CHST8: variants seen among roughly 807,000 people sequenced by gnomAD.
CHST8 encodes GALNAC-4-ST1.
Under a neutral mutation model 15.0 loss-of-function variants are expected in CHST8, and 10 were observed. The ratio of observed to expected loss-of-function variants is 0.67; its 90% CI spans 0.41 to 1.13. CHST8 has a LOEUF of 1.13. CHST8 is among the 50% of genes most tolerant of loss of function. The pLI is 0.00. For missense variants in CHST8, 634 were observed against 608.2 expected, an observed-to-expected ratio of 1.04 and a Z score of -0.45; for synonymous variants, 259 against 256.6, an observed-to-expected ratio of 1.01 and a Z score of -0.09.
At chr19:33,747,282 G>GA (rs1456734034) in intron 3 of CHST8, among the ~76,000 whole-genome samples, 8 of 152,136 alleles carry the variant, frequency 5.3e-5, no homozygotes, top group African/African-American at 1.7e-4. Context: ...AGTTAGTGGG[G>GA]ACAGCTAATT....
chr19:33,720,993 C>CCTGTCTGTCTTCAGCTTGCA (rs1253711279), intron 3 of CHST8, among the ~76,000 whole-genome samples: 2 of 152,236 alleles, frequency 1.3e-5, no homozygotes, highest in Non-Finnish European at 2.9e-5. Context: ...CCAGAGTTGC[C>CCTGTCTGTCTTCAGCTTGCA]CTGTCTGTCT....
chr19:33,628,578 C>A (rs1972086248), intron 1 of CHST8, among the ~76,000 whole-genome samples: 1 of 152,174 alleles, frequency 6.6e-6, no homozygotes, highest in Non-Finnish European at 1.5e-5. Context: ...GTAGGCAGTG[C>A]ATCTACGCTG....
intron 2 of CHST8, among the ~76,000 whole-genome samples, chr19:33,682,187 G>GTTTTTTTTTTTTT (rs869056900): frequency 7.9e-4 from 75 of 95,238 alleles, no homozygotes; most frequent in Non-Finnish European, 1.1e-3. Flanking sequence ...TTTTGTTGTT[G>GTTTTTTTTTTTTT]TTTTTTTTTT....
chr19:33,634,340 A>C (rs898462299), intron 1 of CHST8, among the ~76,000 whole-genome samples: 3 of 152,162 alleles, frequency 2.0e-5, no homozygotes, highest in Non-Finnish European at 1.5e-5. Flanking sequence ...TTTTTTACCA[A>C]GGATATTTTG....
intron 1 of CHST8, among the ~76,000 whole-genome samples, chr19:33,634,675 A>C (rs1600227149): frequency 9.5e-6 from 1 of 105,758 alleles, no homozygotes; most frequent in Non-Finnish European, 1.8e-5. Flanking sequence ...TTGTCACGAA[A>C]CCAAAAAAAA....
At chr19:33,638,123 GGATATCACTCGA>G (rs1972229409) in intron 1 of CHST8, among the ~76,000 whole-genome samples, 1 of 152,050 alleles carries the variant, frequency 6.6e-6, no homozygotes, top group African/African-American at 2.4e-5. Context: ...ACCAATTTCA[GGATATCACTCGA>G]GCTTTGTTTT....
intron 1 of CHST8, among the ~76,000 whole-genome samples, chr19:33,661,032 T>G (rs1972578840): frequency 6.6e-6 from 1 of 152,184 alleles, no homozygotes; most frequent in African/African-American, 2.4e-5. Context: ...GGGAGACTTC[T>G]TATGCCCCCT....
At chr19:33,635,389 A>AAAGGGTCTCAAAGGGT (rs2145440479) in intron 1 of CHST8, among the ~76,000 whole-genome samples, 1 of 152,226 alleles carries the variant, frequency 6.6e-6, no homozygotes, top group South Asian at 2.1e-4. Context: ...AGACCCAGTC[A>AAAGGGTCTCAAAGGGT]CTGCCACAAG....
intron 2 of CHST8, among the ~76,000 whole-genome samples, chr19:33,670,850 T>G (rs1436660596): frequency 6.6e-6 from 1 of 152,170 alleles, no homozygotes; most frequent in Non-Finnish European, 1.5e-5. Context: ...CACTGCTCCC[T>G]TATTGCCCAT....
intron 3 of CHST8, among the ~76,000 whole-genome samples, chr19:33,713,615 G>C (rs1041607504): frequency 6.6e-6 from 1 of 151,994 alleles, no homozygotes; most frequent in African/African-American, 2.4e-5. Flanking sequence ...GCCCTGGCTG[G>C]AGTGCAGTGA....
chr19:33,698,949 G>A (rs1389700621), intron 3 of CHST8, among the ~76,000 whole-genome samples: 2 of 152,196 alleles, frequency 1.3e-5, no homozygotes, highest in Admixed American at 1.3e-4. Context: ...GAGGGCTATG[G>A]GAGAGCCTTG....
At chr19:33,682,187 G>GTT (rs869056900) in intron 2 of CHST8, among the ~76,000 whole-genome samples, 1,868 of 95,126 alleles carry the variant, frequency 0.02, 56 homozygotes, top group African/African-American at 0.048. Context: ...TTTTGTTGTT[G>GTT]TTTTTTTTTT....
intron 1 of CHST8, among the ~76,000 whole-genome samples, chr19:33,661,138 C>T (rs1404854738): frequency 6.6e-6 from 1 of 152,068 alleles, no homozygotes; most frequent in Admixed American, 6.6e-5. Flanking sequence ...AAGACCCTGT[C>T]TCTACAAAAA....
At chr19:33,672,752 C>T (rs962902209) in intron 2 of CHST8, among the ~76,000 whole-genome samples, 3 of 152,156 alleles carry the variant, frequency 2.0e-5, no homozygotes, top group African/African-American at 7.2e-5. Context: ...GGCCAGCTTC[C>T]GAGAGCAGGA....
At chr19:33,725,616 C>G (rs1478776593) in intron 3 of CHST8, among the ~76,000 whole-genome samples, 2 of 152,212 alleles carry the variant, frequency 1.3e-5, no homozygotes, top group African/African-American at 2.4e-5. Context: ...GAAAGATACT[C>G]TTTCTCCCTT....
At chr19:33,702,744 A>G (rs1346656434) in intron 3 of CHST8, among the ~76,000 whole-genome samples, 1 of 152,176 alleles carries the variant, frequency 6.6e-6, no homozygotes, top group Non-Finnish European at 1.5e-5. Context: ...CACAGCCCAG[A>G]GGGCCCAGAG....
chr19:33,773,170 A>G lies in CHST8; in HGVS notation c.*107A>G, dbSNP rs1383927288. ...TCCTGGGAGCAACAGGGCTCTGAGG[A>G]CGTGAGGAGCCATCGCTGTGGGAGG... On this transcript the variant is annotated 3_prime_UTR_variant, in exon 5 of 5. Coordinates refer to ENST00000650847, the MANE Select transcript of CHST8 (RefSeq NM_001127895.2). 7.8e-6 allele frequency: 10 copies of G among 1,285,202 alleles called. No homozygotes were observed. The highest frequency in any genetic ancestry group is 1.0e-5 in the Non-Finnish European group (10 of 958,148). The allele number at this position is 1,285,202 out of a possible 1,614,324, so 79.6% of individuals were successfully genotyped here.
intron 3 of CHST8, among the ~76,000 whole-genome samples, chr19:33,762,160 C>T (rs1237105005): frequency 6.6e-6 from 1 of 152,214 alleles, no homozygotes; most frequent in Non-Finnish European, 1.5e-5. Context: ...GGGTCACACA[C>T]ACCCTGAACA....
chr19:33,662,513 G>A (rs937782468), intron 1 of CHST8, among the ~76,000 whole-genome samples: 6 of 152,186 alleles, frequency 3.9e-5, no homozygotes, highest in Admixed American at 1.3e-4. Flanking sequence ...GCACAGACCA[G>A]GGCAATGCTG....
Sources: allele counts gnomAD v4.1 joint callset (sites outside exome capture counted in the v4.1 genomes callset), GRCh38; gene constraint gnomAD v4.1.1; transcripts MANE v1.5; gene names NCBI Gene and HGNC (gene_info 2026-07-23, HGNC 2026-07-21).